RADIL: variants seen among roughly 807,000 people sequenced by gnomAD.
The protein encoded by RADIL is ras-associating and dilute domain-containing protein.
A neutral mutation model predicts 97.6 loss-of-function variants in RADIL; 99 were observed. The observed-to-expected ratio is 1.01, with a 90% confidence interval of 0.86 to 1.20. The LOEUF (loss-of-function observed/expected upper bound fraction) is 1.20. RADIL is among the 50% of genes most tolerant of loss of function. The probability of loss-of-function intolerance (pLI) is 0.00; values close to 1 mark genes in which losing one functional copy is unlikely to be tolerated. For missense variants in RADIL, 1,765 were observed against 1,498.9 expected (o/e 1.18, Z -2.93); for synonymous variants, 803 against 691.8 (o/e 1.16, Z -2.52).
intron 2 of RADIL, among the ~76,000 whole-genome samples, chr7:4,848,103 G>T (rs937422357): frequency 5.9e-5 from 9 of 151,870 alleles, no homozygotes; most frequent in African/African-American, 2.2e-4. Context: ...AGGCTGAATC[G>T]GGAGGACTGC....
At position 4,838,497 on chromosome 7, in the gene RADIL, C is replaced by T. The variant is rs114419629; in HGVS notation, c.536-1892G>A. On this transcript the variant is annotated intron_variant, in intron 2 of 14. Transcript: ENST00000399583. ...GGCACGGGATGTCCCAGGCCTGTGT[C>T]CCCTGGGGCTGCAGCCCCAGGCAAG... Among the ~76,000 whole-genome samples the T allele has an allele frequency of 2.3e-3, 344 of 152,248 alleles. 1 individual carries two copies. Among genetic ancestry groups the T allele is most frequent in the African/African-American group, 7.7e-3 (321 of 41,564 alleles).
chr7:4,802,444 C>T (rs552394444), intron 11 of RADIL, among the ~76,000 whole-genome samples: 5,095 of 94,426 alleles, frequency 0.054, 3 homozygotes, highest in African/African-American at 0.2. Flanking sequence ...GCTGGCTGGG[C>T]CCCCTCCCCG....
In RADIL at chr7:4,872,855, G is replaced by A. The variant is rs754267916; in HGVS notation, c.535+4750C>T. Among the ~76,000 whole-genome samples, 1 of 152,216 alleles carries A rather than the reference G, an allele frequency of 6.6e-6. No individual in the cohort carries two copies. The highest frequency in any genetic ancestry group is 1.5e-5 in the Non-Finnish European group (1 of 68,032). On this transcript the variant is annotated intron_variant, in intron 2 of 14. Transcript: ENST00000399583. The surrounding 1 kb of genome is among the most constrained non-coding windows in gnomAD (Gnocchi z 5.8). ...GACTCTGTAGGGGAGTCCGAGGTGAGGGGCAGGGGAGAGGCCTGAGAGACT... is the reference window on the plus strand; with the variant it reads ...GACTCTGTAGGGGAGTCCGAGGTGAAGGGCAGGGGAGAGGCCTGAGAGACT...
Position 4,849,231 on chromosome 7 carries a change from G to A in RADIL, c.536-12626C>T, listed in dbSNP as rs546207504. ...GAGTTCAAAACTGGGAAGAAGGAACGGCTATGGCAGAGAACTGCTGTTTTG... is the reference window on the plus strand; with the variant it reads ...GAGTTCAAAACTGGGAAGAAGGAACAGCTATGGCAGAGAACTGCTGTTTTG... On this transcript the variant is annotated intron_variant, in intron 2 of 14. Coordinates refer to ENST00000399583, the MANE Select transcript of RADIL (RefSeq NM_018059.5). This position sits in a 1 kb window ranked among gnomAD's most constrained non-coding sequence, Gnocchi z 5.4. 5.3e-5 allele frequency among the ~76,000 whole-genome samples: 8 copies of A among 152,178 alleles called. No homozygotes were observed. The highest frequency in any genetic ancestry group is 4.6e-4 in the Admixed American group (7 of 15,278).
Position 4,862,973 on chromosome 7 carries a change from G to A in RADIL, c.535+14632C>T, listed in dbSNP as rs529351408. On this transcript the variant is annotated intron_variant, in intron 2 of 14. Coordinates refer to ENST00000399583, the MANE Select transcript of RADIL (RefSeq NM_018059.5). ...TTACCCAGGATACACTATGATTCCC[G>A]AATCAGAAGTCATGCTTTTTATGAT... 5.5e-4 allele frequency among the ~76,000 whole-genome samples: 83 copies of A among 152,168 alleles called. 1 individual carries two copies. Among genetic ancestry groups the A allele is most frequent in the African/African-American group, 1.7e-3 (70 of 41,538 alleles).
intron 9 of RADIL, among the ~76,000 whole-genome samples, chr7:4,808,181 C>T: frequency 7.1e-6 from 1 of 141,832 alleles, no homozygotes; most frequent in Non-Finnish European, 1.5e-5. Flanking sequence ...CCTGTATCTT[C>T]TTCTGCCTTC....
Position 4,840,921 on chromosome 7 carries a change from C to T in RADIL, c.536-4316G>A, listed in dbSNP as rs1257212480. 3.3e-5 allele frequency among the ~76,000 whole-genome samples: 5 copies of T among 152,244 alleles called. No homozygotes were observed. Among genetic ancestry groups the T allele is most frequent in the African/African-American group, 4.8e-5 (2 of 41,554 alleles). On this transcript the variant is annotated intron_variant, in intron 2 of 14. Coordinates refer to ENST00000399583, the MANE Select transcript of RADIL (RefSeq NM_018059.5). This position sits in a 1 kb window ranked among gnomAD's most constrained non-coding sequence, Gnocchi z 5.6. ...GGTGGAGGTTGCAGTGACCTGAGAT[C>T]GCACCACTGCACTCCAGCCTGGGTG...
chr7:4,807,433 G>C (rs147751274), intron 9 of RADIL, among the ~76,000 whole-genome samples: 13 of 152,040 alleles, frequency 8.6e-5, no homozygotes, highest in Middle Eastern at 3.4e-3. Flanking sequence ...GGGGCCAAGA[G>C]ATCAGCTTCA....
rs145876987 is a variant in RADIL, at chr7:4,812,908, A to G, written c.2139+2370T>C. ...GCCTTCCTTGTTTTCTAACATATAC[A>G]TATAAGGCTATAACTTTTCCTCTTA... On this transcript the variant is annotated intron_variant, in intron 9 of 14. Coordinates refer to ENST00000399583, the MANE Select transcript of RADIL (RefSeq NM_018059.5). Among the ~76,000 whole-genome samples, 402 of 152,292 alleles carry G rather than the reference A, an allele frequency of 2.6e-3. 1 individual carries two copies. The highest frequency in any genetic ancestry group is 5.0e-3 in the Non-Finnish European group (339 of 68,036).
Position 4,801,729 on chromosome 7 carries a change from G to A in RADIL, c.2766C>T (p.Ser922=), listed in dbSNP as rs745654211. The A allele has an allele frequency of 2.7e-5, 43 of 1,610,322 alleles. No individual in the cohort carries two copies. Among genetic ancestry groups the A allele is most frequent in the East Asian group, 8.9e-5 (4 of 44,832 alleles). ...GGAGCGCTTTTCCACAGGGGCCGCC[G>A]GACTCTGGCCAGTCGGGGTCCCCAG... is the stretch of plus-strand genomic sequence containing the variant. ...PEPGDPDWPE[S]GGPCGKALPE... is the part of the protein sequence containing the mutation. The change falls in exon 12 of 15, where the codon TCC becomes TCT. Residue 922 remains serine, a synonymous_variant. Transcript: ENST00000399583.
rs866040132 is a variant in RADIL at position 4,803,634 on chromosome 7, C to T, written c.2411G>A (p.Arg804His). The change falls in exon 11 of 15, where the codon CGC becomes CAC. Residue 804 changes from arginine to histidine, a missense_variant. Transcript: ENST00000399583. ...DSIYQHLLYV[R>H]HFLWGLRSRA... ...GCTCCGCAGACCCCACAGAAAGTGGCGGACGTAGAGCAGGTGCTGGTAGAT... is the reference window on the plus strand; with the variant it reads ...GCTCCGCAGACCCCACAGAAAGTGGTGGACGTAGAGCAGGTGCTGGTAGAT... The T allele has an allele frequency of 5.8e-6, 9 of 1,550,034 alleles. No individual in the cohort carries two copies. The East Asian group carries it at 1.2e-4, about 21-fold the overall frequency.
Position 4,837,066 on chromosome 7 carries a change from A to G in RADIL, c.536-461T>C, listed in dbSNP as rs1017838788. ...AAACAGGTCTGGTGGAGACTCAAGGACTCTGCCCTCTAGCCACGCCCCTCG... is the reference window on the plus strand; with the variant it reads ...AAACAGGTCTGGTGGAGACTCAAGGGCTCTGCCCTCTAGCCACGCCCCTCG... On this transcript the variant is annotated intron_variant, in intron 2 of 14. Transcript: ENST00000399583. The surrounding 1 kb of genome is among the most constrained non-coding windows in gnomAD (Gnocchi z 5.6). Among the ~76,000 whole-genome samples the G allele has an allele frequency of 2.6e-5, 4 of 151,882 alleles. No individual in the cohort carries two copies. The highest frequency in any genetic ancestry group is 9.7e-5 in the African/African-American group (4 of 41,324).
chr7:4,866,337 G>C lies in RADIL; in HGVS notation c.535+11268C>G, dbSNP rs1365058801. On this transcript the variant is annotated intron_variant, in intron 2 of 14. Transcript: ENST00000399583. ...TTGCCTGCTAGACTCTTGACTCCAT[G>C]AAATCATTTATTTATAAATCCATGA... 3.3e-5 allele frequency among the ~76,000 whole-genome samples: 5 copies of C among 152,078 alleles called. No homozygotes were observed. In the East Asian group the frequency reaches 9.6e-4, roughly 29 times the overall value.
rs755205575 is a variant in RADIL, at chr7:4,824,880, G to A, written c.1455-2326C>T. Among the ~76,000 whole-genome samples the A allele has an allele frequency of 5.9e-5, 9 of 152,318 alleles. No homozygotes were observed. The highest frequency in any genetic ancestry group is 2.1e-4 in the South Asian group (1 of 4,826). ...ATTTGCTGCCCTTCTCAATTTCACC[G>A]GAACCCGGAGGGTAGACAGGCCTGT... On this transcript the variant is annotated intron_variant, in intron 5 of 14. Transcript: ENST00000399583. This position sits in a 1 kb window ranked among gnomAD's most constrained non-coding sequence, Gnocchi z 6.7.
intron 2 of RADIL, among the ~76,000 whole-genome samples, chr7:4,856,600 G>A (rs759998187): frequency 2.0e-5 from 3 of 152,124 alleles, no homozygotes; most frequent in Admixed American, 6.6e-5. Flanking sequence ...TTCATGACTT[G>A]AGCTTTTTTG....
rs74630631 is a variant in RADIL at position 4,822,638 on chromosome 7, G to A, written c.1455-84C>T. The A allele has an allele frequency of 0.021, 30,328 of 1,456,584 alleles. 401 individuals are homozygous for A. The highest frequency in any genetic ancestry group is 0.047 in the Middle Eastern group (222 of 4,770). 90.2% of individuals were successfully genotyped at this position (1,456,584 alleles called of 1,614,324 possible). ...TACCACTCTTTCTACATAAGGATGCGCGTTTTCATGGGACGCTGACAACAA... is the reference window on the plus strand; with the variant it reads ...TACCACTCTTTCTACATAAGGATGCACGTTTTCATGGGACGCTGACAACAA... On this transcript the variant is annotated intron_variant, in intron 5 of 14. Coordinates refer to ENST00000399583, the MANE Select transcript of RADIL (RefSeq NM_018059.5). The surrounding 1 kb of genome is among the most constrained non-coding windows in gnomAD (Gnocchi z 5.3).
rs111348753 is a variant in RADIL at position 4,822,809 on chromosome 7, C to T, written c.1455-255G>A. On this transcript the variant is annotated intron_variant, in intron 5 of 14. Transcript: ENST00000399583. The surrounding 1 kb of genome is among the most constrained non-coding windows in gnomAD (Gnocchi z 5.3). ...GGCGCCACAGCCATTGGTAAAAAAC[C>T]TCGGTAAGTAGATGGCTTGCATGTC... Among the ~76,000 whole-genome samples, 1 of 152,090 alleles carries T rather than the reference C, an allele frequency of 6.6e-6. No individual in the cohort carries two copies. The highest frequency in any genetic ancestry group is 2.4e-5 in the African/African-American group (1 of 41,396).
Position 4,835,576 on chromosome 7 carries a change from G to C in RADIL, c.784-337C>G, listed in dbSNP as rs1249877164. On this transcript the variant is annotated intron_variant, in intron 3 of 14. Coordinates refer to ENST00000399583, the MANE Select transcript of RADIL (RefSeq NM_018059.5). The surrounding 1 kb of genome is among the most constrained non-coding windows in gnomAD (Gnocchi z 5.8). ...CCAAGGACTACATAACTTCCCCCAA[G>C]TCATCCCCAAAACTGTGTGGGAGCA... is the stretch of plus-strand genomic sequence containing the variant. Among the ~76,000 whole-genome samples the C allele has an allele frequency of 6.6e-6, 1 of 152,198 alleles. No individual in the cohort carries two copies. The highest frequency in any genetic ancestry group is 2.4e-5 in the African/African-American group (1 of 41,462).
Position 4,834,714 on chromosome 7 carries a change from C to G in RADIL, c.1309G>C (p.Ala437Pro), listed in dbSNP as rs1211162769. Residue 437 changes from alanine to proline, a missense_variant, in exon 4 of 15, where the codon GCC becomes CCC. Ala to Pro is a conservative substitution (Grantham distance 27, BLOSUM62 -1). Transcript: ENST00000399583. The surrounding 1 kb of genome is among the most constrained non-coding windows in gnomAD (Gnocchi z 6.0). The stretch of plus-strand genomic sequence containing the variant: ...TGGATGCAGAGGCACAGGAGGAAGG[C>G]GGGGGTCAGCTTGTGGTCGTCGCCC... ...PGGDDHKLTPAFLLCLCIQHS... is the reference protein window; with the variant it reads ...PGGDDHKLTPPFLLCLCIQHS... 1 of 1,410,278 alleles carries G rather than the reference C, an allele frequency of 7.1e-7. No homozygotes were observed. The highest frequency in any genetic ancestry group is 2.6e-5 in the Admixed American group (1 of 37,956). 87.4% of individuals were successfully genotyped at this position (1,410,278 alleles called of 1,614,324 possible). A position where few individuals can be genotyped will look rare whatever the true frequency, so the allele number is the denominator to read the frequency against.
Sources: gnomAD v4.1 joint callset for allele counts (sites outside exome capture counted in the v4.1 genomes callset) on GRCh38, gnomAD v4.1.1 for gene constraint, Gnocchi (gnomAD v3.1) non-coding constraint, MANE v1.5 for transcripts, NCBI Gene and HGNC (gene_info 2026-07-23, HGNC 2026-07-21) for gene names.